Variants in CNTN1 observed in about 807,000 individuals in gnomAD.
CNTN1 encodes the protein contactin-1.
Under a neutral mutation model 126.4 loss-of-function variants are expected in CNTN1, and 38 were observed. The observed-to-expected ratio is 0.30, with a 90% CI of 0.23 to 0.39. The LOEUF (loss-of-function observed/expected upper bound fraction) is 0.39. Ranked by LOEUF, CNTN1 falls within the 10% of genes least tolerant of loss-of-function variation. The pLI is 1.00. For synonymous variants in CNTN1, 413 were observed against 422.6 expected, an observed-to-expected ratio of 0.98 and a Z score of 0.28; for missense variants, 1,009 against 1,248.4, an observed-to-expected ratio of 0.81 and a Z score of 2.89.
intron 1 of CNTN1, among the ~76,000 whole-genome samples, chr12:40,871,877 A>T (rs1440209174): frequency 6.6e-6 from 1 of 152,076 alleles, no homozygotes; most frequent in Non-Finnish European, 1.5e-5. Flanking sequence ...AGAAGGAAAA[A>T]CTTGACACAG....
At chr12:40,949,218 AC>A (rs1946562466) in intron 14 of CNTN1, among the ~76,000 whole-genome samples, 2 of 148,530 alleles carry the variant, frequency 1.3e-5, no homozygotes, top group Non-Finnish European at 1.5e-5. Flanking sequence ...TTGTTTTTTT[AC>A]AATTTAATCT....
chr12:40,976,462 A>G (rs1947675648), intron 15 of CNTN1, among the ~76,000 whole-genome samples: 1 of 152,010 alleles, frequency 6.6e-6, no homozygotes, highest in South Asian at 2.1e-4. Flanking sequence ...AATAAGCTGC[A>G]TGCATCAGGC....
chr12:40,921,522 GCT>G (rs1945442474), intron 4 of CNTN1, among the ~76,000 whole-genome samples: 1 of 152,070 alleles, frequency 6.6e-6, no homozygotes, highest in African/African-American at 2.4e-5. Context: ...ATCAGTTAAT[GCT>G]CTGATTATCT....
chr12:40,868,392 A>G (rs1052056233), intron 1 of CNTN1, among the ~76,000 whole-genome samples: 1 of 152,188 alleles, frequency 6.6e-6, no homozygotes, highest in Admixed American at 6.6e-5. Flanking sequence ...CATCCTTGGT[A>G]GATGGGAGCA....
intron 1 of CNTN1, among the ~76,000 whole-genome samples, chr12:40,903,066 T>A (rs545146514): frequency 1.3e-5 from 2 of 152,318 alleles, no homozygotes; most frequent in African/African-American, 4.8e-5. Context: ...TAGTAAAGGA[T>A]GCTGGAGAAC....
At chr12:40,881,739 C>T (rs117403320) in intron 1 of CNTN1, among the ~76,000 whole-genome samples, 2,283 of 151,784 alleles carry the variant, frequency 0.015, 18 homozygotes, top group Non-Finnish European at 0.021. Context: ...ATGCAGATCT[C>T]GAGTAGGTGA....
At chr12:40,833,839 C>T (rs1941947794) in intron 1 of CNTN1, among the ~76,000 whole-genome samples, 1 of 152,192 alleles carries the variant, frequency 6.6e-6, no homozygotes, top group Non-Finnish European at 1.5e-5. Flanking sequence ...CAAGCATTTA[C>T]TTTGTCAAAC....
chr12:40,853,603 A>G (rs566613214), intron 1 of CNTN1, among the ~76,000 whole-genome samples: 44 of 152,250 alleles, frequency 2.9e-4, no homozygotes, highest in South Asian at 1.0e-3. Context: ...AGACACTGTG[A>G]TAAACAAGTG....
At chr12:40,999,152 T>TA (rs1476966592) in intron 17 of CNTN1, among the ~76,000 whole-genome samples, 1 of 151,994 alleles carries the variant, frequency 6.6e-6, no homozygotes. Flanking sequence ...TGATTTTCTT[T>TA]AAAAAAAATT....
At chr12:40,901,698 T>C (rs1423021031) in intron 1 of CNTN1, among the ~76,000 whole-genome samples, 1 of 152,202 alleles carries the variant, frequency 6.6e-6, no homozygotes, top group Non-Finnish European at 1.5e-5. Context: ...CTCTATCTGC[T>C]CATTGAACAA....
chr12:40,928,474 A>G (rs1945770352), intron 6 of CNTN1, among the ~76,000 whole-genome samples: 1 of 152,056 alleles, frequency 6.6e-6, no homozygotes, highest in South Asian at 2.1e-4. Context: ...TTATTCACAG[A>G]TATAAGTGCC....
intron 19 of CNTN1, 135 bp downstream of exon 19, chr12:41,017,051 T>G: frequency 1.4e-6 from 1 of 721,718 alleles, no homozygotes; most frequent in South Asian, 1.5e-5. Context: ...AAATGAGTAC[T>G]ATTTTGAACC....
intron 1 of CNTN1, among the ~76,000 whole-genome samples, chr12:40,736,290 T>C (rs1156271968): frequency 2.6e-5 from 4 of 152,086 alleles, no homozygotes; most frequent in African/African-American, 9.7e-5. Context: ...TAATACAATA[T>C]TCTAATTTAT....
intron 1 of CNTN1, among the ~76,000 whole-genome samples, chr12:40,767,751 G>GACC (rs1939176326): frequency 1.3e-5 from 2 of 151,982 alleles, no homozygotes; most frequent in African/African-American, 4.8e-5. Context: ...TTCTTTATAT[G>GACC]TTACTTAAAT....
chr12:40,778,104 A>G (rs1030768453), intron 1 of CNTN1, among the ~76,000 whole-genome samples: 1 of 151,888 alleles, frequency 6.6e-6, no homozygotes, highest in Non-Finnish European at 1.5e-5. Flanking sequence ...AGGAACAGTC[A>G]TCCTATTTTT....
rs577601762 is a variant in CNTN1, at chr12:40,811,579, C to A, written c.-76-96778C>A. On this transcript the variant is annotated intron_variant, in intron 1 of 23. Coordinates refer to ENST00000551295, the MANE Select transcript of CNTN1 (RefSeq NM_001843.4). ...AGATTTTTGATAACTGATTAGATTG[C>A]CTTACTTGTATTTGTCTGTTTAGAT... Among the ~76,000 whole-genome samples the A allele has an allele frequency of 2.0e-5, 3 of 151,884 alleles. No homozygotes were observed. In the South Asian group the frequency reaches 6.2e-4, roughly 32 times the overall value.
In CNTN1 at chr12:41,070,994, C is replaced by T. The variant is rs1019887838; in HGVS notation, c.*959C>T. 2.6e-5 allele frequency: 4 copies of T among 151,842 alleles called. No individual in the cohort carries two copies. Among genetic ancestry groups the T allele is most frequent in the African/African-American group, 9.7e-5 (4 of 41,366 alleles). 9.4% of individuals were successfully genotyped at this position (151,842 alleles called of 1,614,324 possible). ...GTATGTTGGTTTTTCTGCTTCATTC[C>T]TAAGTATTACGTTTCTTTATTGCAG... is the stretch of plus-strand genomic sequence containing the variant. On this transcript the variant is annotated 3_prime_UTR_variant, in exon 24 of 24. Transcript: ENST00000551295.
chr12:40,731,345 TA>T (rs1278708185), intron 1 of CNTN1, among the ~76,000 whole-genome samples: 1 of 151,960 alleles, frequency 6.6e-6, no homozygotes, highest in Non-Finnish European at 1.5e-5. Flanking sequence ...AGGAATGAAT[TA>T]CAAACTTTTT....
chr12:40,957,360 G>A lies in CNTN1; in HGVS notation c.1684-1754G>A, dbSNP rs537439109. Among the ~76,000 whole-genome samples the A allele has an allele frequency of 5.1e-4, 77 of 151,728 alleles. 1 individual carries two copies. The South Asian group carries it at 0.016, about 31-fold the overall frequency. ...CACTGGGAGAGGTGAAGGTTACTGG[G>A]AAATTCCCAGTAAATTTACGGCCAA... On this transcript the variant is annotated intron_variant, in intron 14 of 23. Transcript: ENST00000551295.
Sources: gnomAD v4.1 joint callset for allele counts (sites outside exome capture counted in the v4.1 genomes callset) on GRCh38, gnomAD v4.1.1 for gene constraint, MANE v1.5 for transcripts, NCBI Gene and HGNC (gene_info 2026-07-23, HGNC 2026-07-21) for gene names.